SEMA6A: variants seen among roughly 807,000 people sequenced by gnomAD.
SEMA6A encodes semaphorin-6A.
Under a neutral mutation model 96.8 loss-of-function variants are expected in SEMA6A, and 25 were observed. That is an observed-to-expected ratio of 0.26 (90% confidence interval 0.19 to 0.36). The LOEUF (loss-of-function observed/expected upper bound fraction) is 0.36. SEMA6A is among the 10% of genes least tolerant of loss of function. The pLI is 1.00. For synonymous variants in SEMA6A, 612 were observed against 518.0 expected (o/e 1.18, Z -2.46); for missense variants, 1,363 against 1,323.1 (o/e 1.03, Z -0.47).
intron 1 of SEMA6A, chr5:116,562,904 C>A: frequency 1.7e-6 from 1 of 605,780 alleles, no homozygotes; most frequent in Non-Finnish European, 3.1e-6. Context: ...CCAGTCGGCC[C>A]TCGAGCCCTT....
intron 1 of SEMA6A, among the ~76,000 whole-genome samples, chr5:116,543,212 T>G (rs1012683772): frequency 1.3e-5 from 2 of 152,114 alleles, no homozygotes; most frequent in Non-Finnish European, 2.9e-5. Context: ...CTAACTAAAT[T>G]TTACTTAATG....
At chr5:116,479,089 C>A (rs577122400) in intron 12 of SEMA6A, among the ~76,000 whole-genome samples, 13 of 152,134 alleles carry the variant, frequency 8.5e-5, no homozygotes, top group Non-Finnish European at 1.5e-5. Flanking sequence ...ATTCATTTAA[C>A]CTTTAATTTA....
intron 1 of SEMA6A, among the ~76,000 whole-genome samples, chr5:116,522,341 C>A (rs1758995359): frequency 6.6e-6 from 1 of 152,128 alleles, no homozygotes; most frequent in Non-Finnish European, 1.5e-5. Flanking sequence ...TGATAACCTG[C>A]CAGTTCCCAC....
Position 116,502,227 on chromosome 5 carries a change from G to C in SEMA6A, c.201C>G (p.Thr67=). ...DIQMIMIMNG[T]LYIAARDHIY... ...CCCCTTACCTAGCAGCAATGTAGAG[G>C]GTTCCGTTCATGATCATAATCATCT... Residue 67 remains threonine (T), a synonymous_variant, in exon 3 of 19, where the codon ACC becomes ACG. Coordinates refer to ENST00000343348, the MANE Select transcript of SEMA6A (RefSeq NM_020796.5). 1 of 1,613,896 alleles carries C rather than the reference G, an allele frequency of 6.2e-7. No individual in the cohort carries two copies. Among genetic ancestry groups the C allele is most frequent in the Non-Finnish European group, 8.5e-7 (1 of 1,179,798 alleles).
intron 1 of SEMA6A, among the ~76,000 whole-genome samples, chr5:116,560,149 C>T (rs574193387): frequency 2.6e-5 from 4 of 152,312 alleles, no homozygotes; most frequent in Admixed American, 1.3e-4. Flanking sequence ...CTCCCAAATA[C>T]GGAGACCTCA....
At chr5:116,502,407 G>T in intron 2 of SEMA6A, 80 bp from the exon 3 acceptor site, 1 of 1,208,742 alleles carries the variant, frequency 8.3e-7, no homozygotes, top group Non-Finnish European at 1.2e-6. Flanking sequence ...GAGGGAGACA[G>T]GTCACAAAAG....
intron 1 of SEMA6A, among the ~76,000 whole-genome samples, chr5:116,553,186 CTG>C (rs1472646559): frequency 7.2e-5 from 11 of 152,212 alleles, no homozygotes; most frequent in South Asian, 2.1e-4. Flanking sequence ...TTTTTTGTGA[CTG>C]TGTTTGGAAA....
At chr5:116,571,172 T>C (rs997605899) in intron 1 of SEMA6A, among the ~76,000 whole-genome samples, 3 of 152,174 alleles carry the variant, frequency 2.0e-5, no homozygotes, top group Non-Finnish European at 2.9e-5. Flanking sequence ...ACATGAACCA[T>C]GTGTGACTAT....
chr5:116,566,260 GCTT>G (rs1383180476), intron 1 of SEMA6A, among the ~76,000 whole-genome samples: 3 of 152,160 alleles, frequency 2.0e-5, no homozygotes, highest in Non-Finnish European at 4.4e-5. Flanking sequence ...CAACTTTAGA[GCTT>G]CTTCTGCTAA....
rs1016613347 is a variant in SEMA6A at position 116,506,497 on chromosome 5, A to G, written c.-38-1515T>C. ...GTGAAAAGCAAGAGTCTACTCATTC[A>G]TTTATTTGCCAGTTCTTCCTATCCT... On this transcript the variant is annotated intron_variant, in intron 1 of 18. Coordinates refer to ENST00000343348, the MANE Select transcript of SEMA6A (RefSeq NM_020796.5). 2.0e-5 allele frequency among the ~76,000 whole-genome samples: 3 copies of G among 152,194 alleles called. No individual in the cohort carries two copies. In the East Asian group the frequency reaches 5.8e-4, roughly 29 times the overall value.
chr5:116,492,909 C>G (rs914525049), intron 6 of SEMA6A, among the ~76,000 whole-genome samples: 2 of 152,222 alleles, frequency 1.3e-5, no homozygotes, highest in Non-Finnish European at 2.9e-5. Flanking sequence ...GTTTTCCCTG[C>G]AGCCAAATAC....
At chr5:116,533,876 T>A (rs1342926051) in intron 1 of SEMA6A, among the ~76,000 whole-genome samples, 1 of 152,144 alleles carries the variant, frequency 6.6e-6, no homozygotes, top group Admixed American at 6.5e-5. Context: ...CTCCTTCACC[T>A]ATGCTGGGAA....
chr5:116,557,978 CA>C (rs1232209844), intron 1 of SEMA6A, among the ~76,000 whole-genome samples: 2 of 152,124 alleles, frequency 1.3e-5, no homozygotes, highest in African/African-American at 4.8e-5. Flanking sequence ...ATTATGATAC[CA>C]ACTCAAATAT....
intron 10 of SEMA6A, among the ~76,000 whole-genome samples, chr5:116,484,633 A>T (rs7727816): frequency 0.07 from 10,620 of 151,334 alleles, 1,280 homozygotes; most frequent in African/African-American, 0.24. Flanking sequence ...AGGAAAAAAA[A>T]AATAATAATA....
At chr5:116,512,884 C>G (rs1039452530) in intron 1 of SEMA6A, among the ~76,000 whole-genome samples, 55 of 152,342 alleles carry the variant, frequency 3.6e-4, no homozygotes, top group African/African-American at 1.3e-3. Context: ...AAGTCTGCAA[C>G]AGTCTCAACC....
intron 1 of SEMA6A, among the ~76,000 whole-genome samples, chr5:116,549,470 TAAAAC>T (rs1374467953): frequency 6.6e-6 from 1 of 152,154 alleles, no homozygotes. Flanking sequence ...TAGCTCAAGC[TAAAAC>T]CCCAGGGACC....
Position 116,510,003 on chromosome 5 carries a change from C to T in SEMA6A, c.-38-5021G>A, listed in dbSNP as rs1002359669. Among the ~76,000 whole-genome samples, 6 of 152,060 alleles carry T rather than the reference C, an allele frequency of 3.9e-5. 1 individual carries two copies. Among genetic ancestry groups the T allele is most frequent in the Admixed American group, 2.0e-4 (3 of 15,256 alleles). ...GTTTGGAAACTCTAGGGATAATCAG[C>T]GTGTCAATGTGTGGTACTGTTTGTG... On this transcript the variant is annotated intron_variant, in intron 1 of 18. Transcript: ENST00000343348.
At chr5:116,458,797 C>G (rs1755180718) in intron 18 of SEMA6A, among the ~76,000 whole-genome samples, 1 of 151,978 alleles carries the variant, frequency 6.6e-6, no homozygotes, top group Non-Finnish European at 1.5e-5. Flanking sequence ...AGCAAGTTGT[C>G]AAAAGGATAC....
chr5:116,500,083 G>A (rs761217233), intron 3 of SEMA6A, among the ~76,000 whole-genome samples: 52 of 152,226 alleles, frequency 3.4e-4, no homozygotes, highest in African/African-American at 5.1e-4. Flanking sequence ...ACCCTATTAC[G>A]TTTAGGAAAA....
Sources: allele counts gnomAD v4.1 joint callset (sites outside exome capture counted in the v4.1 genomes callset), GRCh38; gene constraint gnomAD v4.1.1; transcripts MANE v1.5; gene names NCBI Gene and HGNC (gene_info 2026-07-23, HGNC 2026-07-21).